Variants in CRYBG3 observed in about 807,000 individuals in gnomAD.
CRYBG3 encodes very large A-kinase anchor protein.
CRYBG3 carries 127 observed loss-of-function variants against 244.2 expected under a neutral mutation model. The ratio of observed to expected loss-of-function variants is 0.52; its 90% CI spans 0.45 to 0.60. The LOEUF (loss-of-function observed/expected upper bound fraction) is 0.60, where lower values mean the gene tolerates loss of function less well. Ranked by LOEUF, CRYBG3 falls within the 20% of genes least tolerant of loss-of-function variation. CRYBG3 has a pLI of 0.00. For synonymous variants in CRYBG3, 1,132 were observed against 1,195.8 expected (o/e 0.95, Z 1.10); for missense variants, 3,325 against 3,442.5 (o/e 0.97, Z 0.85).
chr3:97,894,523 ATG>A (rs768019384), intron 11 of CRYBG3, among the ~76,000 whole-genome samples: 1 of 152,116 alleles, frequency 6.6e-6, no homozygotes, highest in Non-Finnish European at 1.5e-5. Context: ...AGTAAAACTA[ATG>A]TTTCTTAACT....
intron 1 of CRYBG3, 23 bp downstream of exon 1, chr3:97,822,378 CG>C (rs778768906): frequency 1.4e-4 from 204 of 1,485,190 alleles, no homozygotes; most frequent in Non-Finnish European, 1.5e-4. Context: ...GAGGGGGTCG[CG>C]GGGGGGCCCT....
chr3:97,875,630 C>G lies in CRYBG3; in HGVS notation c.4436C>G (p.Pro1479Arg), dbSNP rs1304976213. The G allele has an allele frequency of 8.1e-7, 1 of 1,234,926 alleles. No individual in the cohort carries two copies. The highest frequency in any genetic ancestry group is 1.0e-6 in the Non-Finnish European group (1 of 990,258). The allele number at this position is 1,234,926 out of a possible 1,614,324, so 76.5% of individuals were successfully genotyped here. ...RRTLVLNFKWPPLVNDDIHAP... is the reference protein window; with the variant it reads ...RRTLVLNFKWRPLVNDDIHAP... The stretch of plus-strand genomic sequence containing the variant: ...ACTCTTGTATTAAATTTCAAATGGC[C>G]TCCACTTGTGAATGATGACATCCAT... Residue 1479 changes from proline to arginine, a missense_variant, in exon 4 of 22, where the codon CCT (proline) becomes CGT (arginine). Coordinates refer to ENST00000389622, the MANE Select transcript of CRYBG3 (RefSeq NM_153605.4).
intron 17 of CRYBG3, among the ~76,000 whole-genome samples, chr3:97,925,636 C>A (rs2040031924): frequency 6.6e-6 from 1 of 152,048 alleles, no homozygotes; most frequent in Admixed American, 6.6e-5. Flanking sequence ...AGATGCATAA[C>A]CATTAATAGA....
chr3:97,822,042 C>T lies in CRYBG3; in HGVS notation c.-165C>T. 4.2e-6 allele frequency: 2 copies of T among 473,202 alleles called. No individual in the cohort carries two copies. Among genetic ancestry groups the T allele is most frequent in the East Asian group, 3.5e-5 (1 of 28,188 alleles). 29.3% of individuals were successfully genotyped at this position (473,202 alleles called of 1,614,324 possible). ...AGGAGCTGCCGCGCGAGGAGCGCGT[C>T]GCGTCCGCACTTCTCCTGCCCGAGA... On this transcript the variant is annotated 5_prime_UTR_variant, in exon 1 of 22. Coordinates refer to ENST00000389622, the MANE Select transcript of CRYBG3 (RefSeq NM_153605.4).
chr3:97,864,364 T>G lies in CRYBG3; in HGVS notation c.364T>G (p.Phe122Val), dbSNP rs749503959. The G allele has an allele frequency of 3.9e-6, 6 of 1,535,922 alleles. No homozygotes were observed. The highest frequency in any genetic ancestry group is 5.2e-6 in the Non-Finnish European group (6 of 1,146,810). ...ESDRQPKESF[F>V]QFLGNLFNIS... ...TGACAGACAGCCAAAAGAAAGCTTT[T>G]TTCAGTTTCTTGGTAACTTATTCAA... is the stretch of plus-strand genomic sequence containing the variant. The change falls in exon 3 of 22, where the codon TTT (phenylalanine) becomes GTT (valine). Residue 122 changes from phenylalanine to valine, a missense_variant. Coordinates refer to ENST00000389622, the MANE Select transcript of CRYBG3 (RefSeq NM_153605.4).
intron 15 of CRYBG3, among the ~76,000 whole-genome samples, chr3:97,908,691 C>A (rs548678330): frequency 6.6e-6 from 1 of 152,154 alleles, no homozygotes; most frequent in African/African-American, 2.4e-5. Flanking sequence ...TGGGTCTTGA[C>A]TCTTTATCCA....
At chr3:97,918,673 T>C (rs2039952835) in intron 17 of CRYBG3, among the ~76,000 whole-genome samples, 1 of 152,230 alleles carries the variant, frequency 6.6e-6, no homozygotes, top group African/African-American at 2.4e-5. Context: ...GTTCGTTTCA[T>C]TTTCATATTT....
intron 16 of CRYBG3, among the ~76,000 whole-genome samples, chr3:97,913,102 G>T (rs2039890574): frequency 6.6e-6 from 1 of 152,016 alleles, no homozygotes; most frequent in Non-Finnish European, 1.5e-5. Context: ...ATTACCCCCT[G>T]CTTCAGTGTC....
At chr3:97,891,712 A>G (rs1252445798) in intron 10 of CRYBG3, among the ~76,000 whole-genome samples, 4 of 152,152 alleles carry the variant, frequency 2.6e-5, no homozygotes, top group African/African-American at 7.2e-5. Flanking sequence ...AAAAGAAGCC[A>G]GAAGGAGGCA....
At chr3:97,871,789 T>C (rs1021426219) in intron 3 of CRYBG3, 53 bp from the exon 4 acceptor site, 56 of 1,260,666 alleles carry the variant, frequency 4.4e-5, no homozygotes, top group Non-Finnish European at 5.8e-5. Flanking sequence ...CTGGGATTAG[T>C]ATTAAGTATT....
chr3:97,887,379 A>C (rs1264789358), intron 8 of CRYBG3, among the ~76,000 whole-genome samples: 1 of 152,096 alleles, frequency 6.6e-6, no homozygotes, highest in Non-Finnish European at 1.5e-5. Flanking sequence ...GTTTTTGTTT[A>C]CTTTGATGAT....
chr3:97,911,749 A>C (rs2039875201), intron 15 of CRYBG3, among the ~76,000 whole-genome samples: 1 of 152,254 alleles, frequency 6.6e-6, no homozygotes, highest in South Asian at 2.1e-4. Context: ...ATGTAGCCTC[A>C]TACTAATCTA....
intron 2 of CRYBG3, among the ~76,000 whole-genome samples, chr3:97,862,074 G>A (rs575632603): frequency 4.5e-5 from 6 of 134,396 alleles, no homozygotes; most frequent in African/African-American, 1.5e-4. Flanking sequence ...AGACAGTTAA[G>A]GGGAAGGAGA....
rs188327717 is a variant in CRYBG3 at position 97,935,433 on chromosome 3, C to T, written c.8382-1352C>T. On this transcript the variant is annotated intron_variant, in intron 18 of 21. Coordinates refer to ENST00000389622, the MANE Select transcript of CRYBG3 (RefSeq NM_153605.4). ...TCAAGAATGGGCCATCCATCTCATTCATCTCTCCATAATTTGGTCAAGTCT... is the reference window on the plus strand; with the variant it reads ...TCAAGAATGGGCCATCCATCTCATTTATCTCTCCATAATTTGGTCAAGTCT... Among the ~76,000 whole-genome samples, 1,102 of 152,040 alleles carry T rather than the reference C, an allele frequency of 7.2e-3. 8 individuals are homozygous for T. Among genetic ancestry groups the T allele is most frequent in the Non-Finnish European group, 9.4e-3 (636 of 67,926 alleles).
In CRYBG3 at chr3:97,874,347, T is replaced by G. The variant is rs183219304; in HGVS notation, c.3153T>G (p.His1051Gln). Reference sequence around the variant, plus strand: ...CTTACAGAAAGAAAGAGAACATCCATTTTTTAAATGGTGGTATTGATAGTG... The same window carrying G: ...CTTACAGAAAGAAAGAGAACATCCAGTTTTTAAATGGTGGTATTGATAGTG... ...SSSYRKKENI[H>Q]FLNGGIDSVS... Residue 1051 changes from histidine to glutamine, a missense_variant, in exon 4 of 22, where the codon CAT (histidine) becomes CAG (glutamine). By Grantham distance (24) the His-to-Gln change is conservative. Around this residue, in one of 4 missense-constraint regions of CRYBG3, gnomAD observed 1,526 missense variants for 1,443.2 expected, o/e 1.06. Coordinates refer to ENST00000389622, the MANE Select transcript of CRYBG3 (RefSeq NM_153605.4). 22 of 1,526,192 alleles carry G rather than the reference T, an allele frequency of 1.4e-5. No individual in the cohort carries two copies. In the East Asian group the frequency reaches 5.1e-4, roughly 36 times the overall value. The allele number at this position is 1,526,192 out of a possible 1,614,324, so 94.5% of individuals were successfully genotyped here.
chr3:97,921,806 G>T (rs1304259782), intron 17 of CRYBG3, among the ~76,000 whole-genome samples: 1 of 152,118 alleles, frequency 6.6e-6, no homozygotes, highest in African/African-American at 2.4e-5. Context: ...TTTAAGCGCT[G>T]GACCAGGAGT....
chr3:97,834,556 GA>G (rs1451973859), intron 1 of CRYBG3, among the ~76,000 whole-genome samples: 1 of 152,102 alleles, frequency 6.6e-6, no homozygotes, highest in African/African-American at 2.4e-5. Context: ...AATAACTGGG[GA>G]CAAATTAGGT....
chr3:97,845,822 TA>T (rs1353525866), intron 2 of CRYBG3, among the ~76,000 whole-genome samples: 1 of 152,224 alleles, frequency 6.6e-6, no homozygotes, highest in East Asian at 1.9e-4. Flanking sequence ...TATATAAAAT[TA>T]AAAACAATGT....
At chr3:97,827,653 CT>C (rs2038595973) in intron 1 of CRYBG3, among the ~76,000 whole-genome samples, 1 of 152,064 alleles carries the variant, frequency 6.6e-6, no homozygotes, top group Non-Finnish European at 1.5e-5. Flanking sequence ...TAAGGGTACC[CT>C]TAATACCCTT....
Sources: gnomAD v4.1 joint callset for allele counts (sites outside exome capture counted in the v4.1 genomes callset) on GRCh38, gnomAD v4.1.1 for gene constraint, gnomAD v4.1.1 regional missense constraint, MANE v1.5 for transcripts, NCBI Gene and HGNC (gene_info 2026-07-23, HGNC 2026-07-21) for gene names.